Variants in SLC30A5 observed in about 807,000 individuals in gnomAD.
The protein encoded by SLC30A5 is solute carrier family 30 member 5.
Under a neutral mutation model 79.6 loss-of-function variants are expected in SLC30A5, and 33 were observed. The observed-to-expected ratio is 0.41, with a 90% CI of 0.31 to 0.55. SLC30A5 has a LOEUF of 0.55. Among genes scored for constraint, SLC30A5 ranks in the 20% least tolerant of loss-of-function variants. The pLI is 0.20. For missense variants in SLC30A5, 788 were observed against 928.1 expected (o/e 0.85, Z 1.96); for synonymous variants, 299 against 319.7 (o/e 0.94, Z 0.69).
chr5:69,117,429 T>C lies in SLC30A5; in HGVS notation c.1439+33T>C. ...CATTGACTGTCGAGGTGGTATATCTTAAGTGCAAATTCCATCTTAAGGAAC... is the reference window on the plus strand; with the variant it reads ...CATTGACTGTCGAGGTGGTATATCTCAAGTGCAAATTCCATCTTAAGGAAC... On this transcript the variant is annotated intron_variant, in intron 11 of 15. Transcript: ENST00000396591. The C allele has an allele frequency of 3.8e-6, 6 of 1,579,444 alleles. No individual in the cohort carries two copies. The Admixed American group carries it at 6.9e-5, about 18-fold the overall frequency.
At chr5:69,099,778 T>C (rs1263299020) in intron 1 of SLC30A5, among the ~76,000 whole-genome samples, 1 of 152,212 alleles carries the variant, frequency 6.6e-6, no homozygotes, top group Non-Finnish European at 1.5e-5. Context: ...CAGAATTTAG[T>C]TTTTATTTTG....
At chr5:69,123,533 C>A in intron 14 of SLC30A5, 108 bp downstream of exon 14, 5 of 795,626 alleles carry the variant, frequency 6.3e-6, no homozygotes, top group South Asian at 5.0e-5. Flanking sequence ...AAAACGAGGC[C>A]AAAAAAGAAA....
rs1321637534 is a variant in SLC30A5 at position 69,094,286 on chromosome 5, GCCGGCC to G, written c.37_42del (p.Pro13_Gly14del). The G allele has an allele frequency of 1.6e-6, 2 of 1,261,724 alleles. No individual in the cohort carries two copies. The highest frequency in any genetic ancestry group is 1.0e-6 in the Non-Finnish European group (1 of 997,250). 78.2% of individuals were successfully genotyped at this position (1,261,724 alleles called of 1,614,324 possible). On this transcript the variant is annotated inframe_deletion, in exon 1 of 16. Transcript: ENST00000396591. ...GGAGAAATACGGCGGGGACGTGCTG[GCCGGCC>G]CCGGCGGCGGCGGCGGCCTTGGGCC... is the stretch of plus-strand genomic sequence containing the variant.
chr5:69,111,785 G>C (rs1746240309), intron 5 of SLC30A5, among the ~76,000 whole-genome samples: 1 of 152,142 alleles, frequency 6.6e-6, no homozygotes, highest in South Asian at 2.1e-4. Context: ...ACTGAATTTT[G>C]TTGTAATACC....
At chr5:69,103,616 G>A (rs908426311) in intron 3 of SLC30A5, among the ~76,000 whole-genome samples, 1 of 152,178 alleles carries the variant, frequency 6.6e-6, no homozygotes, top group Non-Finnish European at 1.5e-5. Flanking sequence ...CTTCCTAACA[G>A]AACTGTGAGG....
At chr5:69,095,114 G>A (rs1745684128) in intron 1 of SLC30A5, among the ~76,000 whole-genome samples, 1 of 151,116 alleles carries the variant, frequency 6.6e-6, no homozygotes, top group African/African-American at 2.4e-5. Context: ...TCCCATTCTG[G>A]AATAAATACT....
chr5:69,108,259 A>T, intron 4 of SLC30A5, 90 bp from the exon 5 acceptor site: 5 of 980,168 alleles, frequency 5.1e-6, no homozygotes, highest in Admixed American at 2.3e-5. Flanking sequence ...ATCAAGGGGA[A>T]ATGTTTTTCT....
intron 13 of SLC30A5, among the ~76,000 whole-genome samples, chr5:69,122,179 C>T (rs905240096): frequency 1.3e-5 from 2 of 152,092 alleles, no homozygotes; most frequent in Non-Finnish European, 2.9e-5. Flanking sequence ...GGAGTACCAC[C>T]TGAGGACAGG....
chr5:69,127,855 T>G, intron 14 of SLC30A5, 149 bp from the exon 15 acceptor site: 1 of 592,728 alleles, frequency 1.7e-6, no homozygotes, highest in East Asian at 3.2e-5. Context: ...TATGGCTGGT[T>G]TTTTGTTTGT....
At position 69,116,578 on chromosome 5, in the gene SLC30A5, C is replaced by T. The variant is rs1231588478; in HGVS notation, c.1257C>T (p.Ile419=). The change falls in exon 10 of 16, where the codon ATC becomes ATT. Residue 419 remains isoleucine (I), a synonymous_variant. Coordinates refer to ENST00000396591, the MANE Select transcript of SLC30A5 (RefSeq NM_022902.5). This position sits in a 1 kb window ranked among gnomAD's most constrained non-coding sequence, Gnocchi z 4.0. ...TTGAGGAGAGTGACTCTAGGCAGAT[C>T]TTTTACTTCTTGTGCTTGAATCTGG... The part of the protein sequence containing the change: ...QILEESDSRQ[I]FYFLCLNLLF... The T allele has an allele frequency of 6.4e-7, 1 of 1,568,098 alleles. No homozygotes were observed. Among genetic ancestry groups the T allele is most frequent in the East Asian group, 2.3e-5 (1 of 43,844 alleles).
chr5:69,100,945 GGT>G lies in SLC30A5; in HGVS notation c.206+17_206+18del. 7.0e-7 allele frequency: 1 copy of G among 1,434,192 alleles called. No individual in the cohort carries two copies. Among genetic ancestry groups the G allele is most frequent in the South Asian group, 1.4e-5 (1 of 71,426 alleles). The allele number at this position is 1,434,192 out of a possible 1,614,324, so 88.8% of individuals were successfully genotyped here. A position where few individuals can be genotyped will look rare whatever the true frequency, so the allele number is the denominator to read the frequency against. On this transcript the variant is annotated intron_variant, in intron 2 of 15. Transcript: ENST00000396591. ...TAAAACTTGGGTGAGTGTGGGGGGG[GGT>G]TTTTTCTTGATATTTTTTATTTCTT...
At chr5:69,112,989 A>G in intron 5 of SLC30A5, 151 bp from the exon 6 acceptor site, 3 of 612,360 alleles carry the variant, frequency 4.9e-6, no homozygotes, top group Non-Finnish European at 8.6e-6. Context: ...ATAATATGTA[A>G]GAGCTTTAAT....
intron 1 of SLC30A5, among the ~76,000 whole-genome samples, chr5:69,099,361 C>A (rs1042786652): frequency 6.6e-6 from 1 of 152,186 alleles, no homozygotes; most frequent in African/African-American, 2.4e-5. Context: ...GAATAAGTTA[C>A]ATAATTCATG....
At chr5:69,118,745 C>G (rs1746454153) in intron 12 of SLC30A5, 117 bp downstream of exon 12, 1 of 642,890 alleles carries the variant, frequency 1.6e-6, no homozygotes, top group African/African-American at 1.9e-5. Context: ...TTACTTATAT[C>G]AACATAACTT....
chr5:69,118,670 T>TA (rs1278670826), intron 12 of SLC30A5, 42 bp downstream of exon 12: 1 of 1,502,652 alleles, frequency 6.7e-7, no homozygotes, highest in African/African-American at 1.4e-5. Flanking sequence ...TAGTCATACT[T>TA]ACATAGTTTT....
chr5:69,097,078 T>G (rs1745758414), intron 1 of SLC30A5, among the ~76,000 whole-genome samples: 1 of 151,408 alleles, frequency 6.6e-6, no homozygotes, highest in African/African-American at 2.4e-5. Context: ...CCCTTAGAGA[T>G]TTTAGTTGTT....
At position 69,116,149 on chromosome 5, in the gene SLC30A5, A is replaced by G; in HGVS notation, c.1007A>G (p.His336Arg). ...DQLRAMNKAAHQESTEHVLSG... is the reference protein window; with the variant it reads ...DQLRAMNKAARQESTEHVLSG... ...CTTCGGGCTATGAACAAAGCAGCACACCAGGAGAGCACTGAACACGTCCTG... is the reference window on the plus strand; with the variant it reads ...CTTCGGGCTATGAACAAAGCAGCACGCCAGGAGAGCACTGAACACGTCCTG... Residue 336 changes from histidine (H) to arginine (R), a missense_variant, in exon 9 of 16, where the codon CAC (histidine) becomes CGC (arginine). Coordinates refer to ENST00000396591, the MANE Select transcript of SLC30A5 (RefSeq NM_022902.5). This position sits in a 1 kb window ranked among gnomAD's most constrained non-coding sequence, Gnocchi z 4.0. The G allele has an allele frequency of 8.1e-6, 13 of 1,614,192 alleles. No homozygotes were observed. Among genetic ancestry groups the G allele is most frequent in the Non-Finnish European group, 1.1e-5 (13 of 1,180,036 alleles).
At position 69,101,702 on chromosome 5, in the gene SLC30A5, A is replaced by AT. The variant is rs1479182857; in HGVS notation, c.206+774dup. On this transcript the variant is annotated intron_variant, in intron 2 of 15. Coordinates refer to ENST00000396591, the MANE Select transcript of SLC30A5 (RefSeq NM_022902.5). ...CTGGGCACGGTGGCTCATGCCTGTA[A>AT]TCCCAGCACTTTGGGAGGCGGAGGC... 8.0e-5 allele frequency among the ~76,000 whole-genome samples: 12 copies of AT among 149,244 alleles called. No homozygotes were observed. In the East Asian group the frequency reaches 2.5e-3, roughly 32 times the overall value.
intron 14 of SLC30A5, among the ~76,000 whole-genome samples, chr5:69,127,755 T>C (rs1217926595): frequency 3.3e-5 from 5 of 152,232 alleles, no homozygotes; most frequent in African/African-American, 1.2e-4. Flanking sequence ...CACACATCTG[T>C]AGCCTCCAGA....
Sources: gnomAD v4.1 joint callset for allele counts (sites outside exome capture counted in the v4.1 genomes callset) on GRCh38, gnomAD v4.1.1 for gene constraint, Gnocchi (gnomAD v3.1) non-coding constraint, MANE v1.5 for transcripts, NCBI Gene and HGNC (gene_info 2026-07-23, HGNC 2026-07-21) for gene names.